The following LRFN5 variants were observed in gnomAD, a reference collection of about 807,000 sequenced individuals.
LRFN5 encodes leucine rich repeat and fibronectin type III domain containing 5, also known as leucine-rich repeat and fibronectin type-III domain-containing protein 5.
In LRFN5, 24 loss-of-function variants were observed where a neutral mutation model predicts 45.6. The ratio of observed to expected loss-of-function variants is 0.53; its 90% CI spans 0.38 to 0.74. The LOEUF (loss-of-function observed/expected upper bound fraction) is 0.74, where lower values mean the gene tolerates loss of function less well. LRFN5 is among the 30% of genes least tolerant of loss of function. The probability of loss-of-function intolerance (pLI) is 0.00; values close to 1 mark genes in which losing one functional copy is unlikely to be tolerated. For missense variants in LRFN5, 776 were observed against 861.5 expected (o/e 0.90, Z 1.24); for synonymous variants, 340 against 313.8 (o/e 1.08, Z -0.88).
rs533971894 is a variant in LRFN5, at chr14:41,869,441, A to T, written c.-20-17165A>T. Among the ~76,000 whole-genome samples the T allele has an allele frequency of 3.7e-3, 551 of 147,644 alleles. 2 individuals are homozygous for T. Among genetic ancestry groups the T allele is most frequent in the African/African-American group, 0.011 (432 of 38,216 alleles). ...AACTTTATGCAGCTTTTTTTTTTTT[A>T]AAAAAAGGTTTTTATTAGTATTTCA... On this transcript the variant is annotated intron_variant, in intron 2 of 5. Coordinates refer to ENST00000298119, the MANE Select transcript of LRFN5 (RefSeq NM_152447.5).
At chr14:41,704,430 C>CTGTGTGTGTG (rs1265063122) in intron 1 of LRFN5, among the ~76,000 whole-genome samples, 99 of 40,100 alleles carry the variant, frequency 2.5e-3, no homozygotes, top group African/African-American at 0.019. Flanking sequence ...CTCTCTCTCT[C>CTGTGTGTGTG]TCTCTCTCTC....
At chr14:41,646,087 C>T (rs937704961) in intron 1 of LRFN5, among the ~76,000 whole-genome samples, 4 of 152,054 alleles carry the variant, frequency 2.6e-5, no homozygotes, top group South Asian at 2.1e-4. Flanking sequence ...GTAGCATATC[C>T]GTCATCTCAA....
At chr14:41,696,370 T>C (rs1002218247) in intron 1 of LRFN5, among the ~76,000 whole-genome samples, 1 of 151,986 alleles carries the variant, frequency 6.6e-6, no homozygotes, top group African/African-American at 2.4e-5. Context: ...AGAGGATTGA[T>C]TCCAACTTTG....
rs1003249169 is a variant in LRFN5 at position 41,740,672 on chromosome 14, T to G, written c.-196-26182T>G. Among the ~76,000 whole-genome samples the G allele has an allele frequency of 2.6e-5, 4 of 152,096 alleles. No individual in the cohort carries two copies. In the South Asian group the frequency reaches 8.3e-4, roughly 31 times the overall value. The stretch of plus-strand genomic sequence containing the variant: ...AAAGGATGCTCACTGTCATCACTTC[T>G]ATTCATTATAGTATTGGAAGTCCTA... On this transcript the variant is annotated intron_variant, in intron 1 of 5. Coordinates refer to ENST00000298119, the MANE Select transcript of LRFN5 (RefSeq NM_152447.5).
chr14:41,778,699 C>T (rs1886378666), intron 2 of LRFN5, among the ~76,000 whole-genome samples: 1 of 151,750 alleles, frequency 6.6e-6, no homozygotes, highest in Admixed American at 6.6e-5. Context: ...TCCCTTTCTG[C>T]CTCTGTGTGC....
At position 41,838,439 on chromosome 14, in the gene LRFN5, C is replaced by G. The variant is rs145218398; in HGVS notation, c.-20-48167C>G. Among the ~76,000 whole-genome samples the G allele has an allele frequency of 5.3e-3, 807 of 152,258 alleles. 9 individuals carry two copies. Among genetic ancestry groups the G allele is most frequent in the African/African-American group, 0.019 (769 of 41,540 alleles). ...TTCCTCCAGCACCCTTCTGCAGTAT[C>G]TGCCCGCACCATACAACCTAGTTAT... is the stretch of plus-strand genomic sequence containing the variant. On this transcript the variant is annotated intron_variant, in intron 2 of 5. Coordinates refer to ENST00000298119, the MANE Select transcript of LRFN5 (RefSeq NM_152447.5).
intron 1 of LRFN5, among the ~76,000 whole-genome samples, chr14:41,632,467 G>A (rs1395789433): frequency 6.6e-6 from 1 of 152,116 alleles, no homozygotes; most frequent in African/African-American, 2.4e-5. Flanking sequence ...GCTGGCTGTG[G>A]TGGTATGCAC....
chr14:41,694,054 A>C (rs1882494048), intron 1 of LRFN5, among the ~76,000 whole-genome samples: 1 of 152,016 alleles, frequency 6.6e-6, no homozygotes, highest in African/African-American at 2.4e-5. Context: ...TAATACCATG[A>C]AATATACCAA....
At chr14:41,894,112 T>C (rs2139167526) in intron 4 of LRFN5, 1 of 983,976 alleles carries the variant, frequency 1.0e-6, no homozygotes, top group Non-Finnish European at 1.2e-6. Context: ...ATATTGAACA[T>C]ACAAAAGCTT....
intron 2 of LRFN5, among the ~76,000 whole-genome samples, chr14:41,799,780 T>C (rs1250863451): frequency 6.6e-6 from 1 of 151,984 alleles, no homozygotes; most frequent in Non-Finnish European, 1.5e-5. Context: ...GTTGAGGAAG[T>C]GTGGCTCTTG....
intron 2 of LRFN5, among the ~76,000 whole-genome samples, chr14:41,789,459 G>C (rs1305067305): frequency 6.6e-6 from 1 of 151,962 alleles, no homozygotes; most frequent in Admixed American, 6.6e-5. Context: ...ACTAGAATTT[G>C]AATGAATACA....
intron 1 of LRFN5, among the ~76,000 whole-genome samples, chr14:41,626,305 T>A (rs932331258): frequency 6.6e-6 from 1 of 152,132 alleles, no homozygotes; most frequent in Non-Finnish European, 1.5e-5. Context: ...AACTAAGATG[T>A]CAGTGATATT....
At chr14:41,792,410 T>A (rs1254171113) in intron 2 of LRFN5, among the ~76,000 whole-genome samples, 1 of 150,420 alleles carries the variant, frequency 6.6e-6, no homozygotes, top group Non-Finnish European at 1.5e-5. Context: ...CAGGGTGGAG[T>A]TTTTCCCCAC....
chr14:41,838,553 T>C (rs953191654), intron 2 of LRFN5, among the ~76,000 whole-genome samples: 1 of 152,186 alleles, frequency 6.6e-6, no homozygotes, highest in African/African-American at 2.4e-5. Context: ...GTTTATCATC[T>C]TCCTGGCAGA....
chr14:41,798,129 T>G (rs989909659), intron 2 of LRFN5, among the ~76,000 whole-genome samples: 1 of 152,064 alleles, frequency 6.6e-6, no homozygotes, highest in Middle Eastern at 3.4e-3. Flanking sequence ...ATTACTCACC[T>G]TGTTAGATCA....
rs1890624350 is a variant in LRFN5, at chr14:41,887,676, G to A, written c.1051G>A (p.Asp351Asn). Reference sequence around the variant, plus strand: ...TGACATTCTTATCACAACTGTAAAGGATACAGGTGCTTTTACCTGCATTGC... The same window carrying A: ...TGACATTCTTATCACAACTGTAAAGAATACAGGTGCTTTTACCTGCATTGC... Reference protein sequence around the residue: ...TLDILITTVKDTGAFTCIASN... With the variant: ...TLDILITTVKNTGAFTCIASN... Residue 351 changes from aspartate (D) to asparagine (N), a missense_variant, in exon 3 of 6, where the codon GAT becomes AAT. Asp to Asn is a conservative substitution (Grantham distance 23). Coordinates refer to ENST00000298119, the MANE Select transcript of LRFN5 (RefSeq NM_152447.5). The surrounding 1 kb of genome is among the most constrained non-coding windows in gnomAD (Gnocchi z 4.8). 4 of 1,614,016 alleles carry A rather than the reference G, an allele frequency of 2.5e-6. No homozygotes were observed. The highest frequency in any genetic ancestry group is 3.4e-6 in the Non-Finnish European group (4 of 1,180,040).
chr14:41,608,335 G>C lies in LRFN5; in HGVS notation c.-424G>C, dbSNP rs992989520. 6.5e-6 allele frequency: 1 copy of C among 152,894 alleles called. No homozygotes were observed. Among genetic ancestry groups the C allele is most frequent in the Non-Finnish European group, 1.5e-5 (1 of 68,248 alleles). 9.5% of individuals were successfully genotyped at this position (152,894 alleles called of 1,614,324 possible). A position where few individuals can be genotyped will look rare whatever the true frequency, so the allele number is the denominator to read the frequency against. On this transcript the variant is annotated 5_prime_UTR_variant, in exon 1 of 6. Transcript: ENST00000298119. ...GGCGCGGAGCCGCGGGTTTCATGGG[G>C]CGATTGCAGCGATTCCCCCACCCAG...
intron 2 of LRFN5, among the ~76,000 whole-genome samples, chr14:41,872,825 G>A (rs944834140): frequency 1.3e-5 from 2 of 152,222 alleles, no homozygotes; most frequent in East Asian, 3.8e-4. Context: ...GAAGGGACAA[G>A]TGGATATTAG....
At chr14:41,616,666 G>A (rs998130792) in intron 1 of LRFN5, among the ~76,000 whole-genome samples, 1 of 152,040 alleles carries the variant, frequency 6.6e-6, no homozygotes, top group African/African-American at 2.4e-5. Context: ...TAAGTATCCT[G>A]GTAGAATGAG....
Sources: gnomAD v4.1 joint callset for allele counts (sites outside exome capture counted in the v4.1 genomes callset) on GRCh38, gnomAD v4.1.1 for gene constraint, Gnocchi (gnomAD v3.1) non-coding constraint, MANE v1.5 for transcripts, NCBI Gene and HGNC (gene_info 2026-07-23, HGNC 2026-07-21) for gene names.